Variants in GRIK2 observed in about 807,000 individuals in gnomAD.
GRIK2 encodes glutamate ionotropic receptor kainate type subunit 2, also known as glutamate receptor ionotropic, kainate 2.
Under a neutral mutation model 100.3 loss-of-function variants are expected in GRIK2, and 32 were observed. The observed-to-expected ratio is 0.32, with a 90% CI of 0.24 to 0.43. GRIK2 has a LOEUF of 0.43. Among genes scored for constraint, GRIK2 ranks in the 20% least tolerant of loss-of-function variants. GRIK2 has a pLI of 1.00. For synonymous variants in GRIK2, 417 were observed against 389.4 expected, an observed-to-expected ratio of 1.07 and a Z score of -0.83; for missense variants, 843 against 1,114.9, an observed-to-expected ratio of 0.76 and a Z score of 3.47.
At chr6:101,749,971 C>T (rs1026403001) in intron 7 of GRIK2, among the ~76,000 whole-genome samples, 4 of 151,764 alleles carry the variant, frequency 2.6e-5, no homozygotes, top group African/African-American at 9.7e-5. Flanking sequence ...CGCCACCATG[C>T]CTGGCTAATT....
rs546565159 is a variant in GRIK2 at position 101,709,266 on chromosome 6, G to A, written c.951+22913G>A. On this transcript the variant is annotated intron_variant, in intron 7 of 16. Transcript: ENST00000369134. The stretch of plus-strand genomic sequence containing the variant: ...AAACAGATAGACCGTGGCCCTGCAG[G>A]AACCTTAGTTTGGACTTCTTGCCTC... Among the ~76,000 whole-genome samples, 7 of 151,806 alleles carry A rather than the reference G, an allele frequency of 4.6e-5. 1 individual carries two copies. In the South Asian group the frequency reaches 1.5e-3, roughly 31 times the overall value.
At chr6:101,530,292 A>G (rs1775372898) in intron 2 of GRIK2, among the ~76,000 whole-genome samples, 1 of 147,556 alleles carries the variant, frequency 6.8e-6, no homozygotes, top group Non-Finnish European at 1.5e-5. Context: ...AAAATTTCAA[A>G]TGAGTTTTAC....
At chr6:101,431,190 AG>A (rs550194221) in intron 2 of GRIK2, 168 of 210,690 alleles carry the variant, frequency 8.0e-4, no homozygotes, top group African/African-American at 3.8e-3. Context: ...CTCATTGCAG[AG>A]GGTATGATGC....
At chr6:101,903,507 A>G (rs1033103163) in intron 12 of GRIK2, among the ~76,000 whole-genome samples, 1 of 151,788 alleles carries the variant, frequency 6.6e-6, no homozygotes, top group Non-Finnish European at 1.5e-5. Context: ...AAACAAGTTA[A>G]TGAAACGTAA....
intron 2 of GRIK2, among the ~76,000 whole-genome samples, chr6:101,589,022 T>A (rs1435126780): frequency 6.6e-6 from 1 of 152,086 alleles, no homozygotes; most frequent in Non-Finnish European, 1.5e-5. Flanking sequence ...AATGATTATG[T>A]CATTTATAAT....
intron 15 of GRIK2, among the ~76,000 whole-genome samples, chr6:102,041,825 T>C (rs892415738): frequency 1.3e-5 from 2 of 151,614 alleles, no homozygotes; most frequent in Non-Finnish European, 3.0e-5. Context: ...TTTGAAGAAA[T>C]GTTCTCTAAT....
At chr6:101,955,578 C>CT (rs982120430) in intron 14 of GRIK2, among the ~76,000 whole-genome samples, 6 of 8,730 alleles carry the variant, frequency 6.9e-4, no homozygotes, top group African/African-American at 1.5e-3. Flanking sequence ...GCAAGGCCTT[C>CT]TCTCTCTCTC....
chr6:101,702,386 C>A (rs1772962202), intron 7 of GRIK2, among the ~76,000 whole-genome samples: 1 of 151,906 alleles, frequency 6.6e-6, no homozygotes, highest in South Asian at 2.1e-4. Flanking sequence ...AGATGTTGTA[C>A]ATTAACATAG....
intron 2 of GRIK2, among the ~76,000 whole-genome samples, chr6:101,597,966 A>T (rs1317700925): frequency 2.0e-5 from 3 of 151,658 alleles, no homozygotes; most frequent in African/African-American, 7.3e-5. Context: ...CTGTTATGAC[A>T]TCACCCCAAA....
At chr6:101,621,342 A>G (rs1780150442) in intron 2 of GRIK2, among the ~76,000 whole-genome samples, 1 of 152,044 alleles carries the variant, frequency 6.6e-6, no homozygotes. Flanking sequence ...AGTCTCAACT[A>G]CTGGGGAGGC....
chr6:102,015,511 C>T lies in GRIK2; in HGVS notation c.2086-19830C>T, dbSNP rs372871619. On this transcript the variant is annotated intron_variant, in intron 14 of 16. Coordinates refer to ENST00000369134, the MANE Select transcript of GRIK2 (RefSeq NM_021956.5). ...CCCTGCCCTACTGCTAACACTGCTA[C>T]GAGTACAGATGTGCAAACAGTTGCT... Among the ~76,000 whole-genome samples the T allele has an allele frequency of 2.0e-4, 30 of 152,300 alleles. No individual in the cohort carries two copies. The East Asian group carries it at 3.9e-3, about 20-fold the overall frequency.
intron 2 of GRIK2, among the ~76,000 whole-genome samples, chr6:101,553,522 A>G (rs1776607191): frequency 6.6e-6 from 1 of 152,188 alleles, no homozygotes; most frequent in Admixed American, 6.5e-5. Context: ...CTTTATATGA[A>G]AAAAATACCA....
intron 2 of GRIK2, among the ~76,000 whole-genome samples, chr6:101,596,095 A>G (rs1315100689): frequency 6.6e-6 from 1 of 151,240 alleles, no homozygotes; most frequent in Non-Finnish European, 1.5e-5. Flanking sequence ...ACAACTTCAA[A>G]TTTTAAACTG....
chr6:101,989,059 T>C (rs1443992794), intron 14 of GRIK2, among the ~76,000 whole-genome samples: 1 of 152,026 alleles, frequency 6.6e-6, no homozygotes, highest in Non-Finnish European at 1.5e-5. Flanking sequence ...CTTGTTCTAT[T>C]ATGAATCAGT....
At chr6:101,993,858 T>G (rs1197920212) in intron 14 of GRIK2, 3 of 147,818 alleles carry the variant, frequency 2.0e-5, no homozygotes, top group Non-Finnish European at 4.5e-5. Context: ...ATGTATTTGC[T>G]CTATTATTTA....
intron 14 of GRIK2, among the ~76,000 whole-genome samples, chr6:101,944,386 C>T (rs1018376680): frequency 3.9e-5 from 6 of 152,144 alleles, no homozygotes; most frequent in African/African-American, 1.4e-4. Flanking sequence ...GTGTCATAGA[C>T]ACAGTTGTTA....
intron 14 of GRIK2, among the ~76,000 whole-genome samples, chr6:101,938,830 A>G (rs1462652780): frequency 6.6e-6 from 1 of 152,028 alleles, no homozygotes; most frequent in East Asian, 1.9e-4. Flanking sequence ...TATTTAGAGA[A>G]AGAATAGTTC....
chr6:102,065,825 A>T (rs1413392273), intron 16 of GRIK2: 3 of 1,512,750 alleles, frequency 2.0e-6, no homozygotes, highest in Non-Finnish European at 2.7e-6. Context: ...CCTCAAGACT[A>T]TGTATTCCTC....
intron 6 of GRIK2, among the ~76,000 whole-genome samples, chr6:101,683,117 T>G (rs1263405285): frequency 6.6e-6 from 1 of 151,722 alleles, no homozygotes; most frequent in African/African-American, 2.4e-5. Flanking sequence ...ACAGGAGAAT[T>G]GCTTGGACCT....
Sources: gnomAD v4.1 joint callset for allele counts (sites outside exome capture counted in the v4.1 genomes callset) on GRCh38, gnomAD v4.1.1 for gene constraint, MANE v1.5 for transcripts, NCBI Gene and HGNC (gene_info 2026-07-23, HGNC 2026-07-21) for gene names.